The following FRMD4A variants were observed in gnomAD, a reference collection of about 807,000 sequenced individuals.
FRMD4A encodes FERM domain containing 4A, also known as FERM domain-containing protein 4A.
Under a neutral mutation model 129.1 loss-of-function variants are expected in FRMD4A, and 29 were observed. That is an observed-to-expected ratio of 0.22 (90% CI 0.17 to 0.31). The LOEUF is 0.31. FRMD4A is among the 10% of genes least tolerant of loss of function. The pLI is 1.00. For missense variants in FRMD4A, 1,272 were observed against 1,375.8 expected, an observed-to-expected ratio of 0.92 and a Z score of 1.19; for synonymous variants, 634 against 571.6, an observed-to-expected ratio of 1.11 and a Z score of -1.56.
chr10:13,999,453 G>A (rs975968529), intron 2 of FRMD4A, among the ~76,000 whole-genome samples: 6 of 152,162 alleles, frequency 3.9e-5, no homozygotes, highest in African/African-American at 9.7e-5. Flanking sequence ...GACTAGGACC[G>A]CATTTTCTAG....
intron 2 of FRMD4A, among the ~76,000 whole-genome samples, chr10:13,964,510 G>A (rs1409808489): frequency 6.6e-6 from 1 of 151,918 alleles, no homozygotes; most frequent in Non-Finnish European, 1.5e-5. Flanking sequence ...AGAGGACAGA[G>A]GTCGATTTGT....
chr10:13,649,669 T>TGCTTCATG (rs1441669245), intron 24 of FRMD4A: 24 of 152,380 alleles, frequency 1.6e-4, no homozygotes, highest in African/African-American at 4.8e-4. Context: ...CTATAAATGT[T>TGCTTCATG]GCTTCATGTA....
At chr10:14,048,882 GAATAGAATAGAATAGAATAGAAAAT>G (rs1565211103) in intron 2 of FRMD4A, among the ~76,000 whole-genome samples, 46 of 112,772 alleles carry the variant, frequency 4.1e-4, no homozygotes, top group South Asian at 3.4e-3. Flanking sequence ...GAATAGAATA[GAATAGAATAGAATAGAATAGAAAAT>G]AAAATGAAAT....
intron 2 of FRMD4A, among the ~76,000 whole-genome samples, chr10:13,961,057 C>T (rs2095443214): frequency 6.6e-6 from 1 of 152,168 alleles, no homozygotes; most frequent in African/African-American, 2.4e-5. Flanking sequence ...TTGATGACCC[C>T]TATAATAAAA....
intron 9 of FRMD4A, among the ~76,000 whole-genome samples, chr10:13,742,136 G>A (rs559312106): frequency 4.6e-5 from 7 of 152,208 alleles, no homozygotes; most frequent in East Asian, 1.9e-4. Flanking sequence ...GATTACAGGC[G>A]TGAGCCACCG....
intron 2 of FRMD4A, among the ~76,000 whole-genome samples, chr10:14,128,025 TTCCTTCCTTC>T: frequency 7.0e-6 from 1 of 143,868 alleles, no homozygotes; most frequent in African/African-American, 2.6e-5. Context: ...CCTTCCTTCC[TTCCTTCCTTC>T]CTTTCTTTCC....
rs10906532 is a variant in FRMD4A, at chr10:13,884,208, T to A, written c.46-25296A>T. On this transcript the variant is annotated intron_variant, in intron 2 of 24. Coordinates refer to ENST00000357447, the MANE Select transcript of FRMD4A (RefSeq NM_018027.5). ...CACACACACACACTCACACACACACTCACACACACACACACACACACACAC... is the reference window on the plus strand; with the variant it reads ...CACACACACACACTCACACACACACACACACACACACACACACACACACAC... Among the ~76,000 whole-genome samples the A allele has an allele frequency of 4.9e-3, 398 of 81,576 alleles. 10 individuals are homozygous for A. The highest frequency in any genetic ancestry group is 0.016 in the East Asian group (32 of 2,014). The allele number at this position is 81,576 out of a possible 152,430, so 53.5% of individuals were successfully genotyped here. A position where few individuals can be genotyped will look rare whatever the true frequency, so the allele number is the denominator to read the frequency against.
chr10:13,922,301 T>A (rs2095082110), intron 2 of FRMD4A, among the ~76,000 whole-genome samples: 1 of 150,512 alleles, frequency 6.6e-6, no homozygotes. Flanking sequence ...AGTGAAGAAT[T>A]AAAAAAAAAA....
chr10:14,175,522 C>CTTT (rs374088064), intron 2 of FRMD4A, among the ~76,000 whole-genome samples: 83 of 122,962 alleles, frequency 6.8e-4, no homozygotes, highest in East Asian at 2.9e-3. Flanking sequence ...AGTTTGCTTC[C>CTTT]TTTTTTTTTT....
At chr10:14,005,347 C>T (rs1588742604) in intron 2 of FRMD4A, among the ~76,000 whole-genome samples, 1 of 152,018 alleles carries the variant, frequency 6.6e-6, no homozygotes, top group African/African-American at 2.4e-5. Context: ...TTATGTTTTC[C>T]ACCCTCCCTA....
intron 2 of FRMD4A, among the ~76,000 whole-genome samples, chr10:14,279,430 C>T (rs529983753): frequency 2.5e-4 from 38 of 152,086 alleles, no homozygotes; most frequent in Middle Eastern, 6.8e-3. Flanking sequence ...AACTTCTGAC[C>T]GCAAGTGATC....
chr10:14,004,981 T>C (rs1416151153), intron 2 of FRMD4A, among the ~76,000 whole-genome samples: 1 of 152,044 alleles, frequency 6.6e-6, no homozygotes, highest in Non-Finnish European at 1.5e-5. Flanking sequence ...TAATCTCTCC[T>C]CCCATACCAA....
intron 2 of FRMD4A, among the ~76,000 whole-genome samples, chr10:13,981,945 G>C (rs748473141): frequency 3.3e-5 from 5 of 152,018 alleles, no homozygotes; most frequent in Non-Finnish European, 5.9e-5. Flanking sequence ...ATATGTATTG[G>C]GGCTCAGAAA....
chr10:14,135,072 AT>A (rs1373397927), intron 2 of FRMD4A, among the ~76,000 whole-genome samples: 108 of 152,338 alleles, frequency 7.1e-4, no homozygotes, highest in African/African-American at 2.5e-3. Context: ...ATGAAGAAAT[AT>A]TTTAAAAGTA....
chr10:13,775,281 G>T (rs1167788425), intron 6 of FRMD4A, among the ~76,000 whole-genome samples: 1 of 152,184 alleles, frequency 6.6e-6, no homozygotes, highest in Non-Finnish European at 1.5e-5. Flanking sequence ...CCCACATCAG[G>T]GCACCCATCC....
chr10:13,936,099 T>C (rs1174372260), intron 2 of FRMD4A, among the ~76,000 whole-genome samples: 1 of 152,228 alleles, frequency 6.6e-6, no homozygotes, highest in African/African-American at 2.4e-5. Context: ...TTATATTGAA[T>C]AAGATAAACA....
At position 13,661,016 on chromosome 10, in the gene FRMD4A, G is replaced by A. The variant is rs180832967; in HGVS notation, c.1661-463C>T. 1.8e-3 allele frequency among the ~76,000 whole-genome samples: 272 copies of A among 152,260 alleles called. 1 individual carries two copies. The highest frequency in any genetic ancestry group is 2.2e-3 in the Non-Finnish European group (152 of 68,004). On this transcript the variant is annotated intron_variant, in intron 19 of 24. Transcript: ENST00000357447. ...CTCAGCCGACACATAGTAGGTGCTTGATAACCATTGGTTGGAGAAGAAAAA... is the reference window on the plus strand; with the variant it reads ...CTCAGCCGACACATAGTAGGTGCTTAATAACCATTGGTTGGAGAAGAAAAA...
At chr10:14,162,161 C>T (rs1840924220) in intron 2 of FRMD4A, among the ~76,000 whole-genome samples, 1 of 151,540 alleles carries the variant, frequency 6.6e-6, no homozygotes, top group Non-Finnish European at 1.5e-5. Flanking sequence ...TCATTTTATG[C>T]TTATAGCACA....
intron 2 of FRMD4A, among the ~76,000 whole-genome samples, chr10:14,075,583 G>A (rs1835542338): frequency 6.6e-6 from 1 of 152,208 alleles, no homozygotes; most frequent in South Asian, 2.1e-4. Flanking sequence ...AGCTGAAATG[G>A]CTTAGATATG....
Sources: allele counts gnomAD v4.1 joint callset (sites outside exome capture counted in the v4.1 genomes callset), GRCh38; gene constraint gnomAD v4.1.1; transcripts MANE v1.5; gene names NCBI Gene and HGNC (gene_info 2026-07-23, HGNC 2026-07-21).